Variants in HNRNPF observed in about 807,000 individuals in gnomAD.
HNRNPF encodes HnRNP F protein.
In HNRNPF, 2 loss-of-function variants were observed where a neutral mutation model predicts 26.0. That is an observed-to-expected ratio of 0.08 (90% CI 0.03 to 0.24). The LOEUF (loss-of-function observed/expected upper bound fraction) is 0.24, where lower values mean the gene tolerates loss of function less well. Ranked by LOEUF, HNRNPF falls within the 10% of genes least tolerant of loss-of-function variation. The pLI is 1.00. For synonymous variants in HNRNPF, 234 were observed against 211.5 expected, an observed-to-expected ratio of 1.11 and a Z score of -0.92; for missense variants, 299 against 539.2, an observed-to-expected ratio of 0.55 and a Z score of 4.41.
chr10:43,402,893 GCTT>G (rs1838797188), intron 1 of HNRNPF, among the ~76,000 whole-genome samples: 3 of 133,846 alleles, frequency 2.2e-5, no homozygotes, highest in African/African-American at 9.7e-5. Flanking sequence ...AATTATGATG[GCTT>G]TTTTTTTTTA....
chr10:43,406,464 C>A (rs1465461318), intron 1 of HNRNPF, among the ~76,000 whole-genome samples: 2 of 152,128 alleles, frequency 1.3e-5, no homozygotes, highest in Non-Finnish European at 2.9e-5. Flanking sequence ...GAGGCAGAGG[C>A]GTGAGAATCG....
chr10:43,387,501 A>G lies in HNRNPF; in HGVS notation c.384T>C (p.Val128=). The G allele has an allele frequency of 6.2e-7, 1 of 1,614,184 alleles. No homozygotes were observed. Among genetic ancestry groups the G allele is most frequent in the Non-Finnish European group, 8.5e-7 (1 of 1,180,028 alleles). ...LPFGCTKEEI[V]QFFSGLEIVP... is the part of the protein sequence containing the mutation. ...CAATTTCCAACCCTGAGAAGAACTGAACAATTTCTTCCTTTGTGCATCCAA... is the reference window on the plus strand; with the variant it reads ...CAATTTCCAACCCTGAGAAGAACTGGACAATTTCTTCCTTTGTGCATCCAA... Residue 128 remains valine, a synonymous_variant, in exon 4 of 4, where the codon GTT becomes GTC. Transcript: ENST00000682386. This position sits in a 1 kb window ranked among gnomAD's most constrained non-coding sequence, Gnocchi z 6.0.
intron 1 of HNRNPF, chr10:43,407,887 C>G (rs557461900): frequency 6.6e-6 from 1 of 152,312 alleles, no homozygotes; most frequent in East Asian, 1.9e-4. Context: ...CGCCTGCAGC[C>G]ACGTGAGCGC....
intron 1 of HNRNPF, 200 bp downstream of exon 1, chr10:43,408,931 A>G (rs1839017673): frequency 6.6e-6 from 1 of 152,262 alleles, no homozygotes; most frequent in Admixed American, 6.5e-5. Context: ...GCCGGCCCCA[A>G]TCCTCAGCGC....
At chr10:43,399,092 GTA>G (rs1443145501) in intron 1 of HNRNPF, among the ~76,000 whole-genome samples, 1 of 152,164 alleles carries the variant, frequency 6.6e-6, no homozygotes, top group Non-Finnish European at 1.5e-5. Context: ...CCACAAAGTA[GTA>G]GGTGGGGAGA....
At chr10:43,388,111 A>C (rs903436562) in intron 3 of HNRNPF, among the ~76,000 whole-genome samples, 175 bp from the exon 4 acceptor site, 1 of 152,190 alleles carries the variant, frequency 6.6e-6, no homozygotes, top group African/African-American at 2.4e-5. Flanking sequence ...TGAAAAACAA[A>C]TCAGGAGTTT....
At chr10:43,395,425 G>A (rs983281507) in intron 2 of HNRNPF, among the ~76,000 whole-genome samples, 1 of 152,090 alleles carries the variant, frequency 6.6e-6, no homozygotes, top group Non-Finnish European at 1.5e-5. Context: ...ACTAGGACAC[G>A]GGCTGAGGGC....
At chr10:43,398,825 T>G (rs1039589285) in intron 1 of HNRNPF, among the ~76,000 whole-genome samples, 3 of 152,106 alleles carry the variant, frequency 2.0e-5, no homozygotes, top group Non-Finnish European at 4.4e-5. Flanking sequence ...CTAATACAAC[T>G]GTTTGTAAAA....
At chr10:43,390,240 A>G (rs77081342) in intron 3 of HNRNPF, among the ~76,000 whole-genome samples, 3 of 152,154 alleles carry the variant, frequency 2.0e-5, no homozygotes, top group African/African-American at 4.8e-5. Flanking sequence ...GGACAGCTCA[A>G]TTACAGGTGG....
chr10:43,396,077 A>C (rs1838491888), intron 2 of HNRNPF, among the ~76,000 whole-genome samples: 1 of 152,198 alleles, frequency 6.6e-6, no homozygotes. Context: ...GGTGGGGGCT[A>C]AGAATCTGCA....
chr10:43,406,272 G>A (rs974631160), intron 1 of HNRNPF, among the ~76,000 whole-genome samples: 1 of 152,144 alleles, frequency 6.6e-6, no homozygotes, highest in Non-Finnish European at 1.5e-5. Flanking sequence ...TTTGCCTCCA[G>A]GCTTTCCAAG....
At chr10:43,393,546 A>G (rs535393641) in intron 3 of HNRNPF, among the ~76,000 whole-genome samples, 56 of 152,104 alleles carry the variant, frequency 3.7e-4, no homozygotes, top group Middle Eastern at 3.4e-3. Context: ...CGGTGAGCCA[A>G]TGTCGCGTCA....
intron 2 of HNRNPF, among the ~76,000 whole-genome samples, chr10:43,396,244 C>CCA (rs1460585050): frequency 6.6e-6 from 1 of 152,238 alleles, no homozygotes; most frequent in Non-Finnish European, 1.5e-5. Flanking sequence ...CAAGCACCAC[C>CCA]CACCTCGTTT....
intron 2 of HNRNPF, among the ~76,000 whole-genome samples, chr10:43,395,827 G>A (rs12220230): frequency 0.077 from 11,666 of 152,176 alleles, 619 homozygotes; most frequent in East Asian, 0.2. Context: ...CTGGCAACCA[G>A]ACCCACGTAC....
intron 1 of HNRNPF, among the ~76,000 whole-genome samples, chr10:43,404,347 C>T (rs1281588378): frequency 2.7e-5 from 4 of 149,946 alleles, no homozygotes; most frequent in Non-Finnish European, 5.9e-5. Flanking sequence ...CATCTTAGAG[C>T]GATCACATGA....
chr10:43,395,293 T>G (rs1178681568), intron 2 of HNRNPF, among the ~76,000 whole-genome samples: 1 of 152,170 alleles, frequency 6.6e-6, no homozygotes, highest in Admixed American at 6.5e-5. Context: ...GTAAGCAGTG[T>G]GGAGACACAT....
intron 1 of HNRNPF, among the ~76,000 whole-genome samples, chr10:43,408,320 C>A (rs922591382): frequency 1.3e-5 from 2 of 152,192 alleles, no homozygotes; most frequent in African/African-American, 4.8e-5. Flanking sequence ...GCGGTGCTCA[C>A]CGCGTGGGAC....
At chr10:43,391,292 CAAAA>C (rs56118525) in intron 3 of HNRNPF, among the ~76,000 whole-genome samples, 2 of 107,514 alleles carry the variant, frequency 1.9e-5, no homozygotes, top group African/African-American at 3.1e-5. Flanking sequence ...GACTCTGTCT[CAAAA>C]AAAAAAAAAA....
chr10:43,387,242 T>TCCCGGGCCGGTCATAGGG lies in HNRNPF; in HGVS notation c.625_642dup (p.Pro209_Gly214dup). 18 of 1,614,196 alleles carry TCCCGGGCCGGTCATAGGG rather than the reference T, an allele frequency of 1.1e-5. No individual in the cohort carries two copies. Among genetic ancestry groups the TCCCGGGCCGGTCATAGGG allele is most frequent in the Non-Finnish European group, 1.5e-5 (18 of 1,180,036 alleles). ...ACGATGCCAATGTACCTCCTGGCAG[T>TCCCGGGCCGGTCATAGGG]CCCGGGCCGGTCATAGGGCCCTGGC... On this transcript the variant is annotated inframe_insertion, in exon 4 of 4. Transcript: ENST00000682386. The surrounding 1 kb of genome is among the most constrained non-coding windows in gnomAD (Gnocchi z 6.0).
Sources: gnomAD v4.1 joint callset for allele counts (sites outside exome capture counted in the v4.1 genomes callset) on GRCh38, gnomAD v4.1.1 for gene constraint, Gnocchi (gnomAD v3.1) non-coding constraint, MANE v1.5 for transcripts, NCBI Gene and HGNC (gene_info 2026-07-23, HGNC 2026-07-21) for gene names.